OXCT1: variants seen among roughly 807,000 people sequenced by gnomAD.
OXCT1 encodes succinyl-CoA:3-ketoacid coenzyme A transferase 1, mitochondrial.
OXCT1 carries 27 observed loss-of-function variants against 69.6 expected under a neutral mutation model. The ratio of observed to expected loss-of-function variants is 0.39; its 90% CI spans 0.29 to 0.54. The LOEUF is 0.54. OXCT1 is among the 20% of genes least tolerant of loss of function. OXCT1 has a pLI of 0.72. For missense variants in OXCT1, 437 were observed against 650.2 expected, an observed-to-expected ratio of 0.67 and a Z score of 3.57; for synonymous variants, 202 against 217.8, an observed-to-expected ratio of 0.93 and a Z score of 0.64.
intron 13 of OXCT1, among the ~76,000 whole-genome samples, chr5:41,776,676 CA>C (rs1745138242): frequency 6.6e-6 from 1 of 152,210 alleles, no homozygotes; most frequent in Admixed American, 6.5e-5. Flanking sequence ...CAGAATCCAA[CA>C]TTTACCAGAA....
chr5:41,731,878 T>C (rs1742651203), intron 16 of OXCT1, 108 bp from the exon 17 acceptor site: 1 of 1,289,776 alleles, frequency 7.8e-7, no homozygotes, highest in Non-Finnish European at 1.1e-6. Flanking sequence ...AGCCTTGCCA[T>C]GGACATTCCC....
chr5:41,753,231 T>A (rs1357140527), intron 14 of OXCT1, among the ~76,000 whole-genome samples: 1 of 151,904 alleles, frequency 6.6e-6, no homozygotes, highest in African/African-American at 2.4e-5. Context: ...CATTTCATGC[T>A]CATCTTTTCT....
chr5:41,842,323 T>C (rs1298558647), intron 6 of OXCT1, among the ~76,000 whole-genome samples: 5 of 152,210 alleles, frequency 3.3e-5, no homozygotes, highest in Admixed American at 3.3e-4. Context: ...AGACAATACA[T>C]GTAAATTACA....
chr5:41,831,929 A>T (rs544773044), intron 7 of OXCT1, among the ~76,000 whole-genome samples: 1 of 152,346 alleles, frequency 6.6e-6, no homozygotes, highest in East Asian at 1.9e-4. Context: ...GATGGCAGAC[A>T]TACCCATGAT....
intron 13 of OXCT1, among the ~76,000 whole-genome samples, chr5:41,772,519 G>C (rs898276144): frequency 6.6e-6 from 1 of 152,116 alleles, no homozygotes; most frequent in Non-Finnish European, 1.5e-5. Context: ...AAAAGATCAT[G>C]CTATGTATAA....
chr5:41,805,784 T>C (rs1746650576), intron 8 of OXCT1, 103 bp from the exon 9 acceptor site: 2 of 771,714 alleles, frequency 2.6e-6, no homozygotes, highest in South Asian at 2.8e-5. Flanking sequence ...CTCTCTCCCA[T>C]TGTTATGAGA....
rs566185253 is a variant in OXCT1, at chr5:41,763,494, A to G, written c.1249-1294T>C. Among the ~76,000 whole-genome samples the G allele has an allele frequency of 5.3e-5, 8 of 152,276 alleles. No homozygotes were observed. In the South Asian group the frequency reaches 1.5e-3, roughly 28 times the overall value. On this transcript the variant is annotated intron_variant, in intron 13 of 16. Coordinates refer to ENST00000196371, the MANE Select transcript of OXCT1 (RefSeq NM_000436.4). ...GGGCCAATTTATTAAGTTGGTCATA[A>G]TATTTCTGTAGAGAACATTGATATC...
intron 7 of OXCT1, among the ~76,000 whole-genome samples, chr5:41,808,426 C>T (rs1746794129): frequency 6.6e-6 from 1 of 152,080 alleles, no homozygotes; most frequent in Admixed American, 6.6e-5. Context: ...CCTTCTTATG[C>T]TGTTCTACTA....
At chr5:41,820,800 A>G (rs1036383291) in intron 7 of OXCT1, among the ~76,000 whole-genome samples, 4 of 152,132 alleles carry the variant, frequency 2.6e-5, no homozygotes, top group African/African-American at 9.7e-5. Context: ...AAATGCCTTA[A>G]GTCTTCTCCT....
At chr5:41,816,184 G>A (rs894298438) in intron 7 of OXCT1, among the ~76,000 whole-genome samples, 8 of 151,980 alleles carry the variant, frequency 5.3e-5, no homozygotes, top group Admixed American at 2.0e-4. Context: ...TGTTCTCCAC[G>A]TTTTCATTTC....
At chr5:41,742,662 G>A (rs1408780920) in intron 15 of OXCT1, among the ~76,000 whole-genome samples, 1 of 150,864 alleles carries the variant, frequency 6.6e-6, no homozygotes, top group Non-Finnish European at 1.5e-5. Context: ...GCCCCAGTGT[G>A]TGATGTTCCC....
intron 7 of OXCT1, among the ~76,000 whole-genome samples, chr5:41,828,453 G>T (rs769635271): frequency 3.3e-5 from 5 of 152,006 alleles, no homozygotes; most frequent in Non-Finnish European, 5.9e-5. Context: ...ATGAGAAACT[G>T]GCCGTCAAGT....
intron 7 of OXCT1, among the ~76,000 whole-genome samples, chr5:41,829,685 T>C (rs1173421742): frequency 6.6e-6 from 1 of 152,208 alleles, no homozygotes; most frequent in Non-Finnish European, 1.5e-5. Context: ...CTAAGAATTA[T>C]ATTTGTTAAT....
At chr5:41,869,245 G>A (rs1750157964) in intron 1 of OXCT1, among the ~76,000 whole-genome samples, 1 of 152,216 alleles carries the variant, frequency 6.6e-6, no homozygotes, top group African/African-American at 2.4e-5. Context: ...TTGGATGCAG[G>A]AAAGAGCAAT....
At chr5:41,787,111 G>A (rs67152480) in intron 13 of OXCT1, among the ~76,000 whole-genome samples, 19,836 of 152,146 alleles carry the variant, frequency 0.13, 2,538 homozygotes, top group African/African-American at 0.33. Flanking sequence ...CAGTGTGAGA[G>A]TAAACTGGGA....
At chr5:41,756,019 A>G (rs942112366) in intron 14 of OXCT1, among the ~76,000 whole-genome samples, 1 of 152,076 alleles carries the variant, frequency 6.6e-6, no homozygotes, top group Admixed American at 6.6e-5. Flanking sequence ...ATATGAGTAT[A>G]CTTTTTAACA....
intron 2 of OXCT1, 141 bp from the exon 3 acceptor site, chr5:41,861,545 A>G: frequency 1.4e-6 from 1 of 697,608 alleles, no homozygotes; most frequent in Non-Finnish European, 2.6e-6. Flanking sequence ...GATATATCTC[A>G]GCAGCTAAGT....
chr5:41,836,396 T>C (rs1748364300), intron 7 of OXCT1, among the ~76,000 whole-genome samples: 2 of 152,176 alleles, frequency 1.3e-5, no homozygotes, highest in Non-Finnish European at 2.9e-5. Flanking sequence ...AGCATGCAAA[T>C]GGCTGCACAT....
chr5:41,833,812 C>T (rs1170671485), intron 7 of OXCT1, among the ~76,000 whole-genome samples: 1 of 152,082 alleles, frequency 6.6e-6, no homozygotes, highest in Non-Finnish European at 1.5e-5. Context: ...GTAATCCCTG[C>T]ACTTTTGGGA....
Sources: allele counts gnomAD v4.1 joint callset (sites outside exome capture counted in the v4.1 genomes callset), GRCh38; gene constraint gnomAD v4.1.1; transcripts MANE v1.5; gene names NCBI Gene and HGNC (gene_info 2026-07-23, HGNC 2026-07-21).